FAM193A: variants seen among roughly 807,000 people sequenced by gnomAD.
FAM193A encodes protein FAM193A.
A neutral mutation model predicts 126.5 loss-of-function variants in FAM193A; 22 were observed. The ratio of observed to expected loss-of-function variants is 0.17; its 90% CI spans 0.12 to 0.25. The LOEUF (loss-of-function observed/expected upper bound fraction) is 0.25, where lower values mean the gene tolerates loss of function less well. Among genes scored for constraint, FAM193A ranks in the 10% least tolerant of loss-of-function variants. The pLI is 1.00. For missense variants in FAM193A, 1,675 were observed against 1,672.8 expected (o/e 1.00, Z -0.02); for synonymous variants, 761 against 646.8 (o/e 1.18, Z -2.68).
chr4:2,718,395 GTT>G (rs1464524172), intron 20 of FAM193A, among the ~76,000 whole-genome samples: 1 of 150,848 alleles, frequency 6.6e-6, no homozygotes, highest in African/African-American at 2.4e-5. Flanking sequence ...TATACTATCT[GTT>G]TTTGTGTGTG....
At chr4:2,663,528 G>A (rs906547318) in intron 12 of FAM193A, among the ~76,000 whole-genome samples, 1 of 152,046 alleles carries the variant, frequency 6.6e-6, no homozygotes, top group African/African-American at 2.4e-5. Context: ...CTGTATAGAA[G>A]CAAAGAGAGG....
At chr4:2,634,177 T>G (rs1364823643) in intron 5 of FAM193A, among the ~76,000 whole-genome samples, 5 of 152,190 alleles carry the variant, frequency 3.3e-5, no homozygotes, top group African/African-American at 1.2e-4. Flanking sequence ...TCTCGTGGCC[T>G]TGGGGTGGAG....
chr4:2,658,169 C>T (rs1369032905), intron 8 of FAM193A, among the ~76,000 whole-genome samples: 2 of 152,152 alleles, frequency 1.3e-5, no homozygotes. Flanking sequence ...TACCTGAGTC[C>T]CCACAGTCCC....
At chr4:2,590,550 G>A in intron 1 of FAM193A, among the ~76,000 whole-genome samples, 1 of 149,536 alleles carries the variant, frequency 6.7e-6, no homozygotes, top group African/African-American at 2.5e-5. Flanking sequence ...AATTGTGATT[G>A]AGGTAGGCAA....
rs374645334 is a variant in FAM193A at position 2,633,059 on chromosome 4, A to G, written c.1038+1890A>G. ...AAGCTGACAAAAATTAATTTGAACC[A>G]TATTTATTAGAGCAAATTCCTAGCA... On this transcript the variant is annotated intron_variant, in intron 5 of 20. Coordinates refer to ENST00000637812, the MANE Select transcript of FAM193A (RefSeq NM_001366318.2). 1.2e-4 allele frequency among the ~76,000 whole-genome samples: 18 copies of G among 152,316 alleles called. 1 individual carries two copies. Among genetic ancestry groups the G allele is most frequent in the Middle Eastern group, 3.4e-3 (1 of 294 alleles).
intron 1 of FAM193A, among the ~76,000 whole-genome samples, chr4:2,574,221 CAT>C (rs67031548): frequency 0.04 from 6,113 of 151,946 alleles, 416 homozygotes; most frequent in African/African-American, 0.14. Context: ...ACTCTCTTGA[CAT>C]GTGCTGTGGA....
At chr4:2,585,174 A>G (rs1195396802) in intron 1 of FAM193A, among the ~76,000 whole-genome samples, 1 of 152,200 alleles carries the variant, frequency 6.6e-6, no homozygotes, top group Non-Finnish European at 1.5e-5. Context: ...CCAGTTTGGG[A>G]CTGGCATGAA....
chr4:2,708,175 G>A, intron 19 of FAM193A: 1 of 449,716 alleles, frequency 2.2e-6, no homozygotes, highest in South Asian at 1.6e-5. Flanking sequence ...GCCCAGTCTG[G>A]GGTACAATGG....
At chr4:2,581,653 T>G (rs890182127) in intron 1 of FAM193A, among the ~76,000 whole-genome samples, 2 of 152,110 alleles carry the variant, frequency 1.3e-5, no homozygotes, top group Non-Finnish European at 2.9e-5. Flanking sequence ...TTTATTTGTT[T>G]TTATTTTTTT....
At chr4:2,593,288 T>G (rs1268722668) in intron 1 of FAM193A, among the ~76,000 whole-genome samples, 1 of 152,064 alleles carries the variant, frequency 6.6e-6, no homozygotes, top group Non-Finnish European at 1.5e-5. Flanking sequence ...TCCCATCCCA[T>G]CTCTCTCTGC....
intron 5 of FAM193A, among the ~76,000 whole-genome samples, chr4:2,634,405 G>A (rs1279363412): frequency 6.6e-6 from 1 of 152,084 alleles, no homozygotes; most frequent in Non-Finnish European, 1.5e-5. Context: ...CCCCCCAAAT[G>A]AGCAGCTCAC....
Position 2,694,998 on chromosome 4 carries a change from C to T in FAM193A, c.3145C>T (p.Gln1049Ter). ...RCENGVYDPQ[Q>*]DDGDESADED... ...CGAGAATGGTGTCTACGACCCACAGCAGGATGATGGGGACGAGAGTGCAGA... is the reference window on the plus strand; with the variant it reads ...CGAGAATGGTGTCTACGACCCACAGTAGGATGATGGGGACGAGAGTGCAGA... The change falls in exon 17 of 21, where the codon CAG becomes TAG. Residue 1049 changes from glutamine (Q) to a stop codon, truncating the protein, a stop_gained. Transcript: ENST00000637812. LOFTEE classifies it high-confidence loss of function. 1 of 1,609,010 alleles carries T rather than the reference C, an allele frequency of 6.2e-7. No homozygotes were observed. Among genetic ancestry groups the T allele is most frequent in the Non-Finnish European group, 8.5e-7 (1 of 1,177,954 alleles).
chr4:2,667,381 T>C (rs868250640), intron 12 of FAM193A, among the ~76,000 whole-genome samples: 50 of 152,346 alleles, frequency 3.3e-4, no homozygotes, highest in Middle Eastern at 6.8e-3. Context: ...TTACTGATTA[T>C]CTGTCTGGTG....
chr4:2,613,327 A>G (rs986785059), intron 2 of FAM193A, among the ~76,000 whole-genome samples: 19 of 150,932 alleles, frequency 1.3e-4, no homozygotes, highest in Non-Finnish European at 2.7e-4. Flanking sequence ...TATTTTAAAT[A>G]TACTCTAAAA....
chr4:2,719,142 G>A (rs1045563590), intron 20 of FAM193A, among the ~76,000 whole-genome samples: 2 of 151,986 alleles, frequency 1.3e-5, no homozygotes, highest in Non-Finnish European at 2.9e-5. Flanking sequence ...CAGAAAAAAT[G>A]AAAAATCACA....
At chr4:2,599,253 CA>C (rs1741053177) in intron 2 of FAM193A, among the ~76,000 whole-genome samples, 1 of 151,998 alleles carries the variant, frequency 6.6e-6, no homozygotes, top group African/African-American at 2.4e-5. Context: ...GGCCTCCTTC[CA>C]CTTTCCTTCC....
chr4:2,709,889 A>G (rs564095925), intron 19 of FAM193A, among the ~76,000 whole-genome samples: 71 of 152,288 alleles, frequency 4.7e-4, no homozygotes, highest in African/African-American at 1.7e-3. Context: ...CTCTCTGGAA[A>G]TTATTCTATC....
rs1739993331 is a variant in FAM193A, at chr4:2,582,361, G to A, written c.256-13723G>A. On this transcript the variant is annotated intron_variant, in intron 1 of 20. Coordinates refer to ENST00000637812, the MANE Select transcript of FAM193A (RefSeq NM_001366318.2). ...TTGCTATGTTGCCCAGGCTACTCCT[G>A]AACTCCTGGGTTCAAGCAATCCTCT... Among the ~76,000 whole-genome samples, 4 of 151,968 alleles carry A rather than the reference G, an allele frequency of 2.6e-5. 1 individual carries two copies. In the South Asian group the frequency reaches 8.3e-4, roughly 32 times the overall value.
At chr4:2,728,744 G>A (rs533216373) in intron 20 of FAM193A, among the ~76,000 whole-genome samples, 3 of 152,104 alleles carry the variant, frequency 2.0e-5, no homozygotes, top group African/African-American at 7.2e-5. Context: ...GAATATGATA[G>A]GGGTTTTTTG....
Sources: gnomAD v4.1 joint callset for allele counts (sites outside exome capture counted in the v4.1 genomes callset) on GRCh38, gnomAD v4.1.1 for gene constraint, MANE v1.5 for transcripts, NCBI Gene and HGNC (gene_info 2026-07-23, HGNC 2026-07-21) for gene names.